Variants in KALRN observed in about 807,000 individuals in gnomAD.
KALRN encodes the protein kalirin.
A neutral mutation model predicts 353.7 loss-of-function variants in KALRN; 70 were observed. The observed-to-expected ratio is 0.20, with a 90% CI of 0.16 to 0.24. KALRN has a LOEUF of 0.24. Ranked by LOEUF, KALRN falls within the 10% of genes least tolerant of loss-of-function variation. KALRN has a pLI of 1.00. For synonymous variants in KALRN, 1,391 were observed against 1,434.8 expected, an observed-to-expected ratio of 0.97 and a Z score of 0.69; for missense variants, 2,791 against 3,756.7, an observed-to-expected ratio of 0.74 and a Z score of 6.72.
At chr3:124,103,996 A>G (rs962388320) in intron 1 of KALRN, among the ~76,000 whole-genome samples, 1 of 152,102 alleles carries the variant, frequency 6.6e-6, no homozygotes, top group African/African-American at 2.4e-5. Flanking sequence ...CAACAGTAAC[A>G]TCTCTGCATC....
rs933650866 is a variant in KALRN at position 124,339,214 on chromosome 3, G to A, written c.1647+4719G>A. ...AGAGAGGTGGGAGGACCCAGCCTCC[G>A]CTCTGCTGGGAGGGGACGGGTGCAG... On this transcript the variant is annotated intron_variant, in intron 9 of 59. Coordinates refer to ENST00000682506, the MANE Select transcript of KALRN (RefSeq NM_001388419.1). Among the ~76,000 whole-genome samples the A allele has an allele frequency of 1.2e-3, 176 of 152,234 alleles. 2 individuals carry two copies. Among genetic ancestry groups the A allele is most frequent in the African/African-American group, 3.9e-3 (162 of 41,526 alleles).
chr3:124,655,708 A>G, intron 39 of KALRN, 41 bp downstream of exon 39: 2 of 1,500,490 alleles, frequency 1.3e-6, no homozygotes, highest in South Asian at 1.1e-5. Flanking sequence ...TCACCCAACC[A>G]GGAGCACGTT....
At chr3:124,628,066 C>T (rs536349303) in intron 34 of KALRN, among the ~76,000 whole-genome samples, 30 of 152,302 alleles carry the variant, frequency 2.0e-4, no homozygotes, top group African/African-American at 7.0e-4. Context: ...GATTTGTGCC[C>T]ATGAGACCAG....
At chr3:124,603,143 A>G (rs1246750877) in intron 34 of KALRN, among the ~76,000 whole-genome samples, 2 of 152,292 alleles carry the variant, frequency 1.3e-5, no homozygotes, top group South Asian at 2.1e-4. Context: ...ATTGCCTGGC[A>G]TACACACACA....
At chr3:124,445,872 A>G (rs968100615) in intron 19 of KALRN, among the ~76,000 whole-genome samples, 5 of 152,206 alleles carry the variant, frequency 3.3e-5, no homozygotes, top group East Asian at 1.9e-4. Context: ...TAATTTTGCT[A>G]TAAAGAGAAT....
intron 6 of KALRN, among the ~76,000 whole-genome samples, chr3:124,316,172 G>A (rs530096990): frequency 6.6e-6 from 1 of 152,266 alleles, no homozygotes; most frequent in South Asian, 2.1e-4. Context: ...AATATATCCA[G>A]AATCTGGCCT....
At position 124,642,806 on chromosome 3, in the gene KALRN, G is replaced by GTTGTTT. The variant is rs796628603; in HGVS notation, c.5664+5505_5664+5506insGTTTTT. On this transcript the variant is annotated intron_variant, in intron 37 of 59. Transcript: ENST00000682506. Reference sequence around the variant, plus strand: ...TCTGTGGAAGAGATTCCCAAGCCTCGTTTTTTTTTTTTTTTTTTTTGAGAC... The same window carrying GTTGTTT: ...TCTGTGGAAGAGATTCCCAAGCCTCGTTGTTTTTTTTTTTTTTTTTTTTTTTGAGAC... Among the ~76,000 whole-genome samples the GTTGTTT allele has an allele frequency of 4.9e-4, 47 of 96,808 alleles. 1 individual carries two copies. Among genetic ancestry groups the GTTGTTT allele is most frequent in the African/African-American group, 9.9e-4 (22 of 22,300 alleles). 63.5% of individuals were successfully genotyped at this position (96,808 alleles called of 152,430 possible). A position where few individuals can be genotyped will look rare whatever the true frequency, so the allele number is the denominator to read the frequency against.
chr3:124,556,624 T>TC (rs2071287314), intron 33 of KALRN, among the ~76,000 whole-genome samples: 1 of 152,150 alleles, frequency 6.6e-6, no homozygotes, highest in South Asian at 2.1e-4. Context: ...GTCTATCCGC[T>TC]CCCCCATTTC....
chr3:124,355,342 C>A (rs1172027227), intron 10 of KALRN, among the ~76,000 whole-genome samples: 1 of 152,014 alleles, frequency 6.6e-6, no homozygotes, highest in Non-Finnish European at 1.5e-5. Context: ...GAAAATTGCG[C>A]CTAATTCTGG....
intron 1 of KALRN, among the ~76,000 whole-genome samples, chr3:124,129,230 C>T (rs1186460268): frequency 2.6e-5 from 4 of 152,126 alleles, no homozygotes; most frequent in East Asian, 1.9e-4. Context: ...TGGAAAGCCA[C>T]TTAGATAGGC....
intron 1 of KALRN, among the ~76,000 whole-genome samples, chr3:124,200,452 G>A (rs2075847443): frequency 6.6e-6 from 1 of 152,200 alleles, no homozygotes; most frequent in Non-Finnish European, 1.5e-5. Context: ...CATGGCAGCA[G>A]GGGCAAATGG....
At chr3:124,375,661 TTGAC>T (rs1576414901) in intron 10 of KALRN, among the ~76,000 whole-genome samples, 1 of 152,214 alleles carries the variant, frequency 6.6e-6, no homozygotes, top group East Asian at 1.9e-4. Flanking sequence ...ACCTCTAGGA[TTGAC>T]TTTGCCTTTT....
chr3:124,444,772 C>T (rs2093776718), intron 19 of KALRN, among the ~76,000 whole-genome samples: 1 of 128,902 alleles, frequency 7.8e-6, no homozygotes, highest in African/African-American at 3.0e-5. Flanking sequence ...TGCACTCCAT[C>T]TTGGGTGACA....
At chr3:124,212,443 C>T (rs2076979683) in intron 1 of KALRN, among the ~76,000 whole-genome samples, 1 of 152,072 alleles carries the variant, frequency 6.6e-6, no homozygotes, top group African/African-American at 2.4e-5. Flanking sequence ...TTAAAAATTA[C>T]TCAGAAATAC....
intron 34 of KALRN, among the ~76,000 whole-genome samples, chr3:124,569,960 C>A (rs1304806439): frequency 2.0e-5 from 3 of 152,196 alleles, no homozygotes; most frequent in Non-Finnish European, 4.4e-5. Context: ...CTTAGTCCAA[C>A]TCTGATAGCG....
intron 34 of KALRN, chr3:124,584,764 G>C (rs1415764249): frequency 2.6e-6 from 4 of 1,549,442 alleles, no homozygotes; most frequent in Middle Eastern, 3.6e-4. Flanking sequence ...TTCCCGCCGC[G>C]CTCTCACCCC....
chr3:124,292,707 A>T (rs2076526765), intron 5 of KALRN, among the ~76,000 whole-genome samples: 1 of 152,114 alleles, frequency 6.6e-6, no homozygotes, highest in African/African-American at 2.4e-5. Flanking sequence ...TGCAGGTGTG[A>T]TTCCCCATTT....
chr3:124,340,151 T>C (rs2081544817), intron 9 of KALRN, among the ~76,000 whole-genome samples: 1 of 152,214 alleles, frequency 6.6e-6, no homozygotes, highest in Non-Finnish European at 1.5e-5. Flanking sequence ...CAAGCAAATA[T>C]GCCGTGTGTC....
At position 124,446,379 on chromosome 3, in the gene KALRN, TG is replaced by T. The variant is rs140416290; in HGVS notation, c.3429+106del. The T allele has an allele frequency of 4.8e-3, 3,606 of 758,716 alleles. 57 individuals carry two copies. Among genetic ancestry groups the T allele is most frequent in the East Asian group, 0.046 (1,786 of 39,250 alleles). The allele number at this position is 758,716 out of a possible 1,614,324, so 47.0% of individuals were successfully genotyped here. On this transcript the variant is annotated intron_variant, in intron 20 of 59. Transcript: ENST00000682506. Reference sequence around the variant, plus strand: ...GAGGGCCACAGCAGCAGATTGGGGATGGGAGTGGGGAATAAAGAAGAAAGAA... The same window carrying T: ...GAGGGCCACAGCAGCAGATTGGGGATGGAGTGGGGAATAAAGAAGAAAGAA...
Sources: allele counts gnomAD v4.1 joint callset (sites outside exome capture counted in the v4.1 genomes callset), GRCh38; gene constraint gnomAD v4.1.1; transcripts MANE v1.5; gene names NCBI Gene and HGNC (gene_info 2026-07-23, HGNC 2026-07-21).